TFDP1: variants seen among roughly 807,000 people sequenced by gnomAD.
TFDP1 encodes the protein DRTF1-polypeptide 1.
Under a neutral mutation model 48.0 loss-of-function variants are expected in TFDP1, and 6 were observed. The observed-to-expected ratio is 0.13, with a 90% CI of 0.07 to 0.25. TFDP1 has a LOEUF of 0.25. Ranked by LOEUF, TFDP1 falls within the 10% of genes least tolerant of loss-of-function variation. The probability of loss-of-function intolerance (pLI) is 1.00; values close to 1 mark genes in which losing one functional copy is unlikely to be tolerated. For missense variants in TFDP1, 335 were observed against 543.0 expected (o/e 0.62, Z 3.81); for synonymous variants, 201 against 211.6 (o/e 0.95, Z 0.44).
At chr13:113,600,793 C>T (rs1259242057) in intron 2 of TFDP1, among the ~76,000 whole-genome samples, 1 of 144,392 alleles carries the variant, frequency 6.9e-6, no homozygotes, top group African/African-American at 2.8e-5. Flanking sequence ...GAGAGAGAAT[C>T]CTTGCACGTA....
intron 3 of TFDP1, among the ~76,000 whole-genome samples, chr13:113,619,799 G>A (rs978964198): frequency 1.3e-5 from 2 of 152,220 alleles, no homozygotes; most frequent in Non-Finnish European, 2.9e-5. Flanking sequence ...TGCTGGGTTG[G>A]TGTGGTGTGC....
At chr13:113,632,770 C>T (rs760388345) in intron 5 of TFDP1, among the ~76,000 whole-genome samples, 2 of 152,174 alleles carry the variant, frequency 1.3e-5, no homozygotes, top group Non-Finnish European at 2.9e-5. Context: ...AGCGAGACTC[C>T]GTCTCAAAAA....
At chr13:113,621,210 G>T (rs528149659) in intron 3 of TFDP1, among the ~76,000 whole-genome samples, 1 of 152,340 alleles carries the variant, frequency 6.6e-6, no homozygotes, top group East Asian at 1.9e-4. Context: ...TCTGCGGATG[G>T]GCGGCCGTCC....
chr13:113,587,533 G>A (rs935929081), intron 2 of TFDP1, among the ~76,000 whole-genome samples: 1 of 137,414 alleles, frequency 7.3e-6, no homozygotes. Context: ...CTCCCAAGCT[G>A]GAGTGCAGTG....
At chr13:113,634,143 T>G in intron 7 of TFDP1, 110 bp downstream of exon 7, 1 of 1,489,472 alleles carries the variant, frequency 6.7e-7, no homozygotes, top group Non-Finnish European at 9.3e-7. Flanking sequence ...GCTCTCTGTG[T>G]CCGGCTGGCA....
intron 2 of TFDP1, among the ~76,000 whole-genome samples, chr13:113,608,610 G>A (rs1015437008): frequency 9.9e-5 from 15 of 152,190 alleles, no homozygotes; most frequent in Non-Finnish European, 2.9e-5. Context: ...CACCCACCAC[G>A]CCTTAACCTC....
chr13:113,603,238 G>A (rs115039702), intron 2 of TFDP1, among the ~76,000 whole-genome samples: 3,615 of 152,306 alleles, frequency 0.024, 138 homozygotes, highest in African/African-American at 0.082. Flanking sequence ...ATGGGCCTTC[G>A]AGTGTAAGGG....
At chr13:113,624,395 C>T (rs1047227600) in intron 4 of TFDP1, among the ~76,000 whole-genome samples, 5 of 149,546 alleles carry the variant, frequency 3.3e-5, no homozygotes, top group Admixed American at 6.6e-5. Flanking sequence ...CCCCAAGTAT[C>T]TCTCAGGCAT....
intron 5 of TFDP1, among the ~76,000 whole-genome samples, chr13:113,632,291 C>G (rs1188593309): frequency 6.6e-6 from 1 of 152,244 alleles, no homozygotes; most frequent in East Asian, 1.9e-4. Flanking sequence ...CTAGGAACCT[C>G]AGGTGGCCTT....
rs571188496 is a variant in TFDP1, at chr13:113,640,776, C to T, written c.*509C>T. 1 of 162,158 alleles carries T rather than the reference C, an allele frequency of 6.2e-6. No individual in the cohort carries two copies. The highest frequency in any genetic ancestry group is 1.9e-4 in the East Asian group (1 of 5,226). 10.0% of individuals were successfully genotyped at this position (162,158 alleles called of 1,614,324 possible). Reference sequence around the variant, plus strand: ...AACTTTCTAAACAGCCCCAAGCAAACAGCAGAATTCAACTTTTTAAACAAT... The same window carrying T: ...AACTTTCTAAACAGCCCCAAGCAAATAGCAGAATTCAACTTTTTAAACAAT... On this transcript the variant is annotated 3_prime_UTR_variant, in exon 12 of 12. Transcript: ENST00000375370.
chr13:113,586,042 A>G, intron 2 of TFDP1, 193 bp downstream of exon 2: 1 of 555,328 alleles, frequency 1.8e-6, no homozygotes, highest in Non-Finnish European at 3.1e-6. Flanking sequence ...CACCACCCAC[A>G]AGTTGTGGCC....
rs567391261 is a variant in TFDP1 at position 113,613,641 on chromosome 13, GTGTC to G, written c.79+2582_79+2585del. On this transcript the variant is annotated intron_variant, in intron 3 of 11. Transcript: ENST00000375370. ...GTATGTGAGGAGTGTGTGTGCATGT[GTGTC>G]TGCGTGAATGCGTGGGTATGAGTGT... Among the ~76,000 whole-genome samples, 144 of 151,148 alleles carry G rather than the reference GTGTC, an allele frequency of 9.5e-4. 2 individuals are homozygous for G. Among genetic ancestry groups the G allele is most frequent in the African/African-American group, 3.3e-3 (136 of 41,048 alleles).
At chr13:113,593,908 G>A (rs1317287870) in intron 2 of TFDP1, among the ~76,000 whole-genome samples, 3 of 140,920 alleles carry the variant, frequency 2.1e-5, no homozygotes, top group African/African-American at 5.3e-5. Flanking sequence ...GGTGTGGTGT[G>A]TGCGGGTCCT....
Position 113,641,328 on chromosome 13 carries a change from G to A in TFDP1, c.*1061G>A, listed in dbSNP as rs1182044669. 1 of 151,970 alleles carries A rather than the reference G, an allele frequency of 6.6e-6. No homozygotes were observed. Among genetic ancestry groups the A allele is most frequent in the Non-Finnish European group, 1.5e-5 (1 of 68,030 alleles). The allele number at this position is 151,970 out of a possible 1,614,324, so 9.4% of individuals were successfully genotyped here. A position where few individuals can be genotyped will look rare whatever the true frequency, so the allele number is the denominator to read the frequency against. On this transcript the variant is annotated 3_prime_UTR_variant, in exon 12 of 12. Coordinates refer to ENST00000375370, the MANE Select transcript of TFDP1 (RefSeq NM_007111.5). ...ACTGCACAGTTGCTATTAGCTGCCT[G>A]TTCTAAAACGATAGTCTTTTTATTG... is the stretch of plus-strand genomic sequence containing the variant.
chr13:113,614,596 G>A (rs185825912), intron 3 of TFDP1, among the ~76,000 whole-genome samples: 2 of 152,352 alleles, frequency 1.3e-5, no homozygotes, highest in East Asian at 1.9e-4. Context: ...GACCAGCCCA[G>A]CCGAGGCTCC....
At chr13:113,585,407 G>A (rs1405593980) in intron 1 of TFDP1, 1 of 154,204 alleles carries the variant, frequency 6.5e-6, no homozygotes, top group Non-Finnish European at 1.4e-5. Flanking sequence ...CGTTGCGCCG[G>A]GACCCCGGGG....
At chr13:113,619,442 G>T (rs1172448907) in intron 3 of TFDP1, among the ~76,000 whole-genome samples, 1 of 146,830 alleles carries the variant, frequency 6.8e-6, no homozygotes, top group Non-Finnish European at 1.5e-5. Flanking sequence ...CTGCCCTCCA[G>T]CCTGGGCGAC....
In TFDP1 at chr13:113,627,542, C is replaced by T. The variant is rs1027480188; in HGVS notation, c.187-4081C>T. ...TGTGTCTGAGTGGGGTCACACTACACGGAGACATCGTAATCTCAGTTTTTA... is the reference window on the plus strand; with the variant it reads ...TGTGTCTGAGTGGGGTCACACTACATGGAGACATCGTAATCTCAGTTTTTA... On this transcript the variant is annotated intron_variant, in intron 4 of 11. Coordinates refer to ENST00000375370, the MANE Select transcript of TFDP1 (RefSeq NM_007111.5). The surrounding 1 kb of genome is among the most constrained non-coding windows in gnomAD (Gnocchi z 4.1). Among the ~76,000 whole-genome samples, 3 of 152,172 alleles carry T rather than the reference C, an allele frequency of 2.0e-5. No homozygotes were observed. The highest frequency in any genetic ancestry group is 2.9e-5 in the Non-Finnish European group (2 of 68,044).
intron 4 of TFDP1, among the ~76,000 whole-genome samples, chr13:113,630,029 C>T (rs1408157085): frequency 3.9e-5 from 6 of 152,174 alleles, no homozygotes; most frequent in African/African-American, 1.4e-4. Flanking sequence ...CATCAACTCC[C>T]GGAGAATGGC....
Sources: gnomAD v4.1 joint callset for allele counts (sites outside exome capture counted in the v4.1 genomes callset) on GRCh38, gnomAD v4.1.1 for gene constraint, Gnocchi (gnomAD v3.1) non-coding constraint, MANE v1.5 for transcripts, NCBI Gene and HGNC (gene_info 2026-07-23, HGNC 2026-07-21) for gene names.